The following RIN2 variants were observed in gnomAD, a reference collection of about 807,000 sequenced individuals.
RIN2 encodes the protein RAB5 interacting protein 2.
A neutral mutation model predicts 78.0 loss-of-function variants in RIN2; 36 were observed. The observed-to-expected ratio is 0.46, with a 90% CI of 0.35 to 0.61. The LOEUF is 0.61. Among genes scored for constraint, RIN2 ranks in the 20% least tolerant of loss-of-function variants. The pLI is 0.00. For synonymous variants in RIN2, 466 were observed against 466.8 expected, an observed-to-expected ratio of 1.00 and a Z score of 0.02; for missense variants, 1,087 against 1,159.7, an observed-to-expected ratio of 0.94 and a Z score of 0.91.
intron 9 of RIN2, among the ~76,000 whole-genome samples, chr20:19,983,414 C>A (rs569872037): frequency 1.3e-5 from 2 of 152,092 alleles, no homozygotes; most frequent in Non-Finnish European, 2.9e-5. Flanking sequence ...GTAGTCCCAG[C>A]GTCGTAGGGC....
At chr20:19,848,380 C>CA (rs1252155632) in intron 2 of RIN2, among the ~76,000 whole-genome samples, 1 of 151,636 alleles carries the variant, frequency 6.6e-6, no homozygotes, top group African/African-American at 2.4e-5. Context: ...TAAAAACACA[C>CA]AAAAAATTAG....
chr20:20,000,188 AAGTG>A (rs1415159151), intron 12 of RIN2, among the ~76,000 whole-genome samples: 1 of 152,152 alleles, frequency 6.6e-6, no homozygotes, highest in East Asian at 1.9e-4. Context: ...AGAAAACAAA[AAGTG>A]AGCACAGTAC....
intron 2 of RIN2, among the ~76,000 whole-genome samples, chr20:19,858,575 G>A (rs769769087): frequency 3.7e-4 from 56 of 152,236 alleles, no homozygotes; most frequent in Middle Eastern, 6.8e-3. Flanking sequence ...AATGAAGTTC[G>A]TGTTTTAAGG....
chr20:19,949,156 C>T lies in RIN2; in HGVS notation c.159-7459C>T, dbSNP rs574339436. On this transcript the variant is annotated intron_variant, in intron 4 of 12. Coordinates refer to ENST00000255006, the MANE Select transcript of RIN2 (RefSeq NM_018993.4). ...CATTAGCTGGGCATGGTGGTGTGTG[C>T]CTGTAATCCCAGCTACTTAGGAAGC... Among the ~76,000 whole-genome samples, 153 of 152,252 alleles carry T rather than the reference C, an allele frequency of 1.0e-3. 1 individual carries two copies. Among genetic ancestry groups the T allele is most frequent in the African/African-American group, 3.5e-3 (146 of 41,542 alleles).
At chr20:19,762,906 G>T (rs1423439759) in intron 1 of RIN2, among the ~76,000 whole-genome samples, 2 of 152,050 alleles carry the variant, frequency 1.3e-5, no homozygotes, top group Admixed American at 6.5e-5. Flanking sequence ...TGGGATTACA[G>T]GTGCCCGCCA....
At chr20:19,958,589 C>G (rs2041632449) in intron 5 of RIN2, among the ~76,000 whole-genome samples, 1 of 152,248 alleles carries the variant, frequency 6.6e-6, no homozygotes. Context: ...AAGGGAGAGG[C>G]CAGGCATGGT....
rs377070012 is a variant in RIN2, at chr20:19,988,981, ACTGT to A, written c.1763-1022_1763-1019del. Reference sequence around the variant, plus strand: ...CATGCACACAAATACGTGCACACACACTGTCTCTCATTTTTTCTGAACCATTTAA... The same window carrying A: ...CATGCACACAAATACGTGCACACACACTCTCATTTTTTCTGAACCATTTAA... On this transcript the variant is annotated intron_variant, in intron 9 of 12. Coordinates refer to ENST00000255006, the MANE Select transcript of RIN2 (RefSeq NM_018993.4). 3.2e-3 allele frequency among the ~76,000 whole-genome samples: 489 copies of A among 152,090 alleles called. 2 individuals carry two copies. The highest frequency in any genetic ancestry group is 0.011 in the African/African-American group (464 of 41,482).
intron 1 of RIN2, among the ~76,000 whole-genome samples, chr20:19,761,306 C>G (rs1199741947): frequency 1.3e-5 from 2 of 152,204 alleles, no homozygotes; most frequent in Admixed American, 1.3e-4. Context: ...ATGTACAGAG[C>G]AGGATTCACC....
chr20:19,813,942 C>T (rs1228978321), intron 2 of RIN2, among the ~76,000 whole-genome samples: 3 of 152,110 alleles, frequency 2.0e-5, no homozygotes, highest in Non-Finnish European at 2.9e-5. Flanking sequence ...GAAAACTAGA[C>T]ATGTTTATAA....
intron 2 of RIN2, among the ~76,000 whole-genome samples, chr20:19,844,236 T>C (rs1332332997): frequency 6.6e-6 from 1 of 152,140 alleles, no homozygotes; most frequent in Non-Finnish European, 1.5e-5. Flanking sequence ...ACCTCAGATA[T>C]GTGAGGGATA....
At chr20:19,782,749 A>G (rs1321297534) in intron 1 of RIN2, among the ~76,000 whole-genome samples, 1 of 152,108 alleles carries the variant, frequency 6.6e-6, no homozygotes, top group Non-Finnish European at 1.5e-5. Flanking sequence ...CATCAGCTTC[A>G]TGTGCTAGTC....
At chr20:19,876,098 G>C (rs774127685) in intron 2 of RIN2, among the ~76,000 whole-genome samples, 7 of 152,306 alleles carry the variant, frequency 4.6e-5, no homozygotes, top group Non-Finnish European at 1.0e-4. Context: ...ATTTCAGAGA[G>C]AGAAACCAAA....
chr20:19,851,043 AAGGAAGGAGAAAGAAAGG>A (rs1568815041), intron 2 of RIN2, among the ~76,000 whole-genome samples: 4 of 81,278 alleles, frequency 4.9e-5, no homozygotes, highest in Non-Finnish European at 8.5e-5. Context: ...GGAAGGAAGG[AAGGAAGGAGAAAGAAAGG>A]AAGGAAGGAA....
chr20:19,986,489 G>C lies in RIN2; in HGVS notation c.1763-3517G>C, dbSNP rs965145079. Among the ~76,000 whole-genome samples the C allele has an allele frequency of 5.3e-5, 8 of 152,048 alleles. No individual in the cohort carries two copies. In the South Asian group the frequency reaches 6.2e-4, roughly 12 times the overall value. Reference sequence around the variant, plus strand: ...AAAACGGGCTACTCCCTTGGCAATTGGTCCTAGGTTTCAACCCTCCTAAGA... The same window carrying C: ...AAAACGGGCTACTCCCTTGGCAATTCGTCCTAGGTTTCAACCCTCCTAAGA... On this transcript the variant is annotated intron_variant, in intron 9 of 12. Coordinates refer to ENST00000255006, the MANE Select transcript of RIN2 (RefSeq NM_018993.4).
chr20:19,969,001 A>G (rs1490527972), intron 7 of RIN2, among the ~76,000 whole-genome samples: 1 of 152,186 alleles, frequency 6.6e-6, no homozygotes, highest in African/African-American at 2.4e-5. Flanking sequence ...GAAAGGTCTC[A>G]TGGAAGGAAG....
At chr20:19,925,888 A>AAC (rs376603867) in intron 3 of RIN2, among the ~76,000 whole-genome samples, 1 of 152,290 alleles carries the variant, frequency 6.6e-6, no homozygotes, top group East Asian at 1.9e-4. Flanking sequence ...TGCACAAGGG[A>AAC]ACACACACAC....
At chr20:19,787,276 A>G (rs1251016986) in intron 1 of RIN2, among the ~76,000 whole-genome samples, 9 of 151,986 alleles carry the variant, frequency 5.9e-5, no homozygotes, top group Non-Finnish European at 1.3e-4. Context: ...TACAAAAATT[A>G]GCTGGGCATG....
chr20:19,975,342 C>G lies in RIN2; in HGVS notation c.1317C>G (p.Ser439=), dbSNP rs552155421. ...ACATGAGCATTTCTACTTCCTCCTC[C>G]GACTCGCTGGAGTTCGACCGGAGCA... ...LSDMSISTSS[S]DSLEFDRSMP... The change falls in exon 9 of 13, where the codon TCC becomes TCG. Residue 439 remains serine, a synonymous_variant. Coordinates refer to ENST00000255006, the MANE Select transcript of RIN2 (RefSeq NM_018993.4). This position sits in a 1 kb window ranked among gnomAD's most constrained non-coding sequence, Gnocchi z 4.9. 1.2e-6 allele frequency: 2 copies of G among 1,612,544 alleles called. No homozygotes were observed. Among genetic ancestry groups the G allele is most frequent in the Non-Finnish European group, 1.7e-6 (2 of 1,179,318 alleles).
At chr20:19,770,049 A>C (rs983136123) in intron 1 of RIN2, among the ~76,000 whole-genome samples, 6 of 152,202 alleles carry the variant, frequency 3.9e-5, no homozygotes, top group Admixed American at 3.9e-4. Flanking sequence ...GGTCTTTAAC[A>C]TTCTGAGGAA....
Sources: allele counts gnomAD v4.1 joint callset (sites outside exome capture counted in the v4.1 genomes callset), GRCh38; gene constraint gnomAD v4.1.1; non-coding constraint Gnocchi (gnomAD v3.1); transcripts MANE v1.5; gene names NCBI Gene and HGNC (gene_info 2026-07-23, HGNC 2026-07-21).